The following DNAH8 variants were observed in gnomAD, a reference collection of about 807,000 sequenced individuals.
DNAH8 encodes axonemal beta dynein heavy chain 8.
A neutral mutation model predicts 562.1 loss-of-function variants in DNAH8; 382 were observed. The observed-to-expected ratio is 0.68, with a 90% CI of 0.63 to 0.74. The LOEUF (loss-of-function observed/expected upper bound fraction) is 0.74. DNAH8 is among the 30% of genes least tolerant of loss of function. The pLI is 0.00. For missense variants in DNAH8, 5,203 were observed against 5,620.4 expected, an observed-to-expected ratio of 0.93 and a Z score of 2.37; for synonymous variants, 1,881 against 1,919.4, an observed-to-expected ratio of 0.98 and a Z score of 0.52.
chr6:38,982,510 T>TC (rs776899151), intron 86 of DNAH8, 48 bp downstream of exon 86: 1 of 1,020,442 alleles, frequency 9.8e-7, no homozygotes, highest in East Asian at 2.4e-5. Flanking sequence ...TCTTCTTAAA[T>TC]CAGGGTTCTA....
intron 88 of DNAH8, among the ~76,000 whole-genome samples, chr6:38,992,467 A>C (rs997121947): frequency 4.6e-5 from 7 of 152,212 alleles, no homozygotes; most frequent in Admixed American, 6.5e-5. Context: ...GTGATCAATG[A>C]GGAGATTCCA....
In DNAH8 at chr6:38,921,501, A is replaced by C; in HGVS notation, c.10657A>C (p.Lys3553Gln). The C allele has an allele frequency of 1.2e-6, 2 of 1,612,616 alleles. No homozygotes were observed. Among genetic ancestry groups the C allele is most frequent in the Non-Finnish European group, 1.7e-6 (2 of 1,179,300 alleles). The change falls in exon 71 of 93, where the codon AAA (lysine) becomes CAA (glutamine). Residue 3553 changes from lysine to glutamine, a missense_variant. Around this residue, in one of 6 missense-constraint regions of DNAH8, gnomAD observed 1,399 missense variants for 1,518.4 expected, o/e 0.92. Transcript: ENST00000327475. ...AAAATTTGATGCAGCAATGAATGAGAAAATGGTGAGATTAAACATAAAAAA... is the reference window on the plus strand; with the variant it reads ...AAAATTTGATGCAGCAATGAATGAGCAAATGGTGAGATTAAACATAAAAAA... The part of the protein sequence containing the change: ...QAKFDAAMNE[K>Q]MDLLNDADTC...
chr6:38,852,775 T>A lies in DNAH8; in HGVS notation c.5548T>A (p.Ser1850Thr), dbSNP rs1426518067. 2 of 1,612,762 alleles carry A rather than the reference T, an allele frequency of 1.2e-6. No homozygotes were observed. The highest frequency in any genetic ancestry group is 2.2e-5 in the South Asian group (2 of 90,848). The change falls in exon 40 of 93, where the codon TCA becomes ACA. Residue 1850 changes from serine to threonine, a missense_variant. By Grantham distance (58) the Ser-to-Thr change is moderately conservative. This residue lies in a region of DNAH8 where 2,176 missense variants were observed against 2,365.1 expected (regional missense o/e 0.92). Coordinates refer to ENST00000327475, the MANE Select transcript of DNAH8 (RefSeq NM_001206927.2). ...KDYDRIMAVI[S>T]REGEKIVLDN... ...CTATGATCGCATCATGGCCGTCATATCAAGAGAAGGAGAAAAAATTGTTGT... is the reference window on the plus strand; with the variant it reads ...CTATGATCGCATCATGGCCGTCATAACAAGAGAAGGAGAAAAAATTGTTGT...
At chr6:38,875,316 T>C (rs779546100) in intron 52 of DNAH8, among the ~76,000 whole-genome samples, 1 of 152,162 alleles carries the variant, frequency 6.6e-6, no homozygotes, top group Admixed American at 6.5e-5. Flanking sequence ...CAGTAGGAAA[T>C]TGAGACTCAG....
intron 89 of DNAH8, 151 bp from the exon 90 acceptor site, chr6:39,012,064 C>A (rs76994407): frequency 6.0e-5 from 30 of 497,720 alleles, no homozygotes; most frequent in Non-Finnish European, 1.4e-5. Flanking sequence ...AGTTTAATGG[C>A]AAGTTTGGTT....
intron 21 of DNAH8, among the ~76,000 whole-genome samples, chr6:38,799,556 C>T (rs1251279378): frequency 6.6e-6 from 1 of 152,200 alleles, no homozygotes; most frequent in East Asian, 1.9e-4. Flanking sequence ...TCCCCAATTT[C>T]TGGCTCAAAT....
chr6:38,810,271 T>C (rs1771674726), intron 24 of DNAH8, among the ~76,000 whole-genome samples: 1 of 152,176 alleles, frequency 6.6e-6, no homozygotes, highest in Non-Finnish European at 1.5e-5. Context: ...ACCCTTAACT[T>C]TAGAATGCAC....
intron 17 of DNAH8, among the ~76,000 whole-genome samples, chr6:38,784,683 T>C (rs1408786903): frequency 6.6e-6 from 1 of 152,228 alleles, no homozygotes; most frequent in African/African-American, 2.4e-5. Flanking sequence ...ACATTACATG[T>C]ATTATGCAAA....
intron 8 of DNAH8, among the ~76,000 whole-genome samples, chr6:38,746,742 G>A (rs982686803): frequency 6.6e-6 from 1 of 151,962 alleles, no homozygotes; most frequent in Admixed American, 6.6e-5. Flanking sequence ...CAGCCTGGCC[G>A]GTATGGCAAA....
In DNAH8 at chr6:38,737,198, A is replaced by C. The variant is rs762082397; in HGVS notation, c.894A>C (p.Gly298=). Reference sequence around the variant, plus strand: ...GTGCTTTAAACCAGTCCAAGCAGGGAGAATCTGAAAAACATATTTTCACTG... The same window carrying C: ...GTGCTTTAAACCAGTCCAAGCAGGGCGAATCTGAAAAACATATTTTCACTG... ...NWGALNQSKQ[G]ESEKHIFTET... Residue 298 remains glycine (G), a synonymous_variant, in exon 6 of 93, where the codon GGA becomes GGC. Coordinates refer to ENST00000327475, the MANE Select transcript of DNAH8 (RefSeq NM_001206927.2). The C allele has an allele frequency of 6.5e-7, 1 of 1,530,390 alleles. No homozygotes were observed. 94.8% of individuals were successfully genotyped at this position (1,530,390 alleles called of 1,614,324 possible).
At chr6:38,732,065 G>T (rs908247392) in intron 4 of DNAH8, among the ~76,000 whole-genome samples, 5 of 152,140 alleles carry the variant, frequency 3.3e-5, no homozygotes, top group Non-Finnish European at 7.3e-5. Context: ...CTTATTATCA[G>T]TTAAAAATGT....
chr6:38,944,193 A>G (rs1413231221), intron 79 of DNAH8, among the ~76,000 whole-genome samples: 5 of 152,298 alleles, frequency 3.3e-5, no homozygotes, highest in African/African-American at 1.2e-4. Context: ...TGACTCCTAC[A>G]TTAGCAATAC....
At chr6:38,746,195 A>G (rs1764914898) in intron 8 of DNAH8, among the ~76,000 whole-genome samples, 1 of 152,170 alleles carries the variant, frequency 6.6e-6, no homozygotes, top group Non-Finnish European at 1.5e-5. Context: ...ATTTTCATTA[A>G]TATAGCCTCA....
At chr6:38,871,330 T>G (rs7772367) in intron 49 of DNAH8, among the ~76,000 whole-genome samples, 64,140 of 152,040 alleles carry the variant, frequency 0.42, 14,169 homozygotes, top group East Asian at 0.69. Context: ...GGGAAAAGTC[T>G]TTTTCATCAT....
chr6:38,742,013 C>A, intron 8 of DNAH8, 126 bp downstream of exon 8: 8 of 664,630 alleles, frequency 1.2e-5, no homozygotes, highest in Non-Finnish European at 1.9e-5. Context: ...TTGAGTAAGG[C>A]TTTTACATAT....
chr6:38,949,632 T>C, intron 81 of DNAH8, 62 bp downstream of exon 81: 1 of 1,017,842 alleles, frequency 9.8e-7, no homozygotes, highest in East Asian at 2.4e-5. Context: ...TTACAGATTT[T>C]ATCTCAGTGA....
At chr6:39,011,062 T>A (rs1766181178) in intron 89 of DNAH8, among the ~76,000 whole-genome samples, 1 of 152,170 alleles carries the variant, frequency 6.6e-6, no homozygotes, top group Non-Finnish European at 1.5e-5. Context: ...TCCACCCGCA[T>A]AGGTAGTCCT....
At chr6:39,005,693 G>A (rs185827778) in intron 88 of DNAH8, among the ~76,000 whole-genome samples, 1 of 152,148 alleles carries the variant, frequency 6.6e-6, no homozygotes, top group Non-Finnish European at 1.5e-5. Flanking sequence ...TCTTGAAAGA[G>A]AGTTTTGTTT....
rs67293877 is a variant in DNAH8, at chr6:38,787,695, CAAAAA to C, written c.2583+762_2583+766del. Among the ~76,000 whole-genome samples the C allele has an allele frequency of 3.2e-3, 254 of 79,610 alleles. 2 individuals carry two copies. Among genetic ancestry groups the C allele is most frequent in the African/African-American group, 0.013 (243 of 18,924 alleles). The allele number at this position is 79,610 out of a possible 152,430, so 52.2% of individuals were successfully genotyped here. Reference sequence around the variant, plus strand: ...TGGGTGACAGAGTAAGACTCCATCTCAAAAAAAAAAAAAAAAAAAAAAAGTGCCAT... The same window carrying C: ...TGGGTGACAGAGTAAGACTCCATCTCAAAAAAAAAAAAAAAAAAGTGCCAT... On this transcript the variant is annotated intron_variant, in intron 18 of 92. Coordinates refer to ENST00000327475, the MANE Select transcript of DNAH8 (RefSeq NM_001206927.2).
Sources: allele counts gnomAD v4.1 joint callset (sites outside exome capture counted in the v4.1 genomes callset), GRCh38; gene constraint gnomAD v4.1.1; regional missense constraint gnomAD v4.1.1; transcripts MANE v1.5; gene names NCBI Gene and HGNC (gene_info 2026-07-23, HGNC 2026-07-21).